Variants in MRTFB observed in about 807,000 individuals in gnomAD.
MRTFB encodes the protein myocardin-related transcription factor B.
MRTFB carries 29 observed loss-of-function variants against 104.2 expected under a neutral mutation model. The ratio of observed to expected loss-of-function variants is 0.28; its 90% confidence interval spans 0.21 to 0.38. The LOEUF (loss-of-function observed/expected upper bound fraction) is 0.38, where lower values mean the gene tolerates loss of function less well. MRTFB is among the 10% of genes least tolerant of loss of function. The probability of loss-of-function intolerance (pLI) is 1.00; values close to 1 mark genes in which losing one functional copy is unlikely to be tolerated. For synonymous variants in MRTFB, 535 were observed against 519.5 expected (o/e 1.03, Z -0.41); for missense variants, 1,270 against 1,341.6 (o/e 0.95, Z 0.83).
At chr16:14,227,420 C>T (rs2151278521) in intron 8 of MRTFB, among the ~76,000 whole-genome samples, 1 of 152,334 alleles carries the variant, frequency 6.6e-6, no homozygotes, top group East Asian at 1.9e-4. Context: ...TGAGGCCTTG[C>T]CAGATGCACA....
chr16:14,075,268 C>T (rs934500899), intron 1 of MRTFB, among the ~76,000 whole-genome samples: 8 of 152,212 alleles, frequency 5.3e-5, no homozygotes, highest in African/African-American at 1.2e-4. Context: ...AACTCAATCA[C>T]GTGAAGACCC....
the MRTFB span, among the ~76,000 whole-genome samples, chr16:14,061,109 G>A: frequency 6.6e-6 from 1 of 151,908 alleles, no homozygotes; most frequent in Non-Finnish European, 1.5e-5. Flanking sequence ...TGGCGCCACT[G>A]CACTCCAGCC....
intron 3 of MRTFB, among the ~76,000 whole-genome samples, chr16:14,186,513 G>C (rs1203565021): frequency 6.6e-6 from 1 of 152,186 alleles, no homozygotes; most frequent in African/African-American, 2.4e-5. Context: ...TTAACAACTA[G>C]AAGATTTATT....
the MRTFB span, among the ~76,000 whole-genome samples, chr16:14,031,105 C>T: frequency 2.6e-5 from 4 of 152,166 alleles, no homozygotes; most frequent in Non-Finnish European, 5.9e-5. Flanking sequence ...TAACAAACAT[C>T]CAGGGACCAG....
rs1004591423 is a variant in MRTFB, at chr16:14,114,325, T to A, written c.-63-26219T>A. Among the ~76,000 whole-genome samples, 3 of 152,266 alleles carry A rather than the reference T, an allele frequency of 2.0e-5. No individual in the cohort carries two copies. In the East Asian group the frequency reaches 5.8e-4, roughly 29 times the overall value. ...TCTAAATGTTTCAGTATAGAACTAT[T>A]CATTTTACCCATTTGAAGAGCATTT... On this transcript the variant is annotated intron_variant, in intron 2 of 16. Transcript: ENST00000571589.
chr16:14,143,320 A>G (rs2038113042), intron 3 of MRTFB: 1 of 152,080 alleles, frequency 6.6e-6, no homozygotes, highest in East Asian at 1.9e-4. Context: ...ATTATTGACC[A>G]ATTGGGTTTA....
At chr16:14,096,303 C>T (rs974604117) in intron 2 of MRTFB, among the ~76,000 whole-genome samples, 1 of 152,056 alleles carries the variant, frequency 6.6e-6, no homozygotes, top group Non-Finnish European at 1.5e-5. Flanking sequence ...AAACTCCTGA[C>T]CTCAAGTGAT....
chr16:14,134,625 C>T (rs931945365), intron 2 of MRTFB, among the ~76,000 whole-genome samples: 1 of 152,218 alleles, frequency 6.6e-6, no homozygotes, highest in South Asian at 2.1e-4. Flanking sequence ...AGCACAATGC[C>T]TAATAATGTA....
At chr16:14,019,676 G>A in the MRTFB span, among the ~76,000 whole-genome samples, 3 of 152,194 alleles carry the variant, frequency 2.0e-5, no homozygotes, top group African/African-American at 7.2e-5. Flanking sequence ...AGTTGGCCCA[G>A]TGAGTAGTAA....
intron 3 of MRTFB, among the ~76,000 whole-genome samples, chr16:14,167,596 G>C (rs1415627515): frequency 6.6e-6 from 1 of 152,066 alleles, no homozygotes; most frequent in Non-Finnish European, 1.5e-5. Context: ...TGTCCTGAAT[G>C]GTATTGCCGA....
Position 14,113,581 on chromosome 16 carries a change from G to A in MRTFB, c.-63-26963G>A, listed in dbSNP as rs1046710125. 1.5e-4 allele frequency among the ~76,000 whole-genome samples: 23 copies of A among 152,146 alleles called. 2 individuals carry two copies. On this transcript the variant is annotated intron_variant, in intron 2 of 16. Coordinates refer to ENST00000571589, the MANE Select transcript of MRTFB (RefSeq NM_001308142.2). ...TGGGAGGTTGAAGTGGAGAGAATGG[G>A]ATGATTCCTGTTGTTGAGGAAGCTG... is the stretch of plus-strand genomic sequence containing the variant.
chr16:14,061,923 C>G, the MRTFB span, among the ~76,000 whole-genome samples: 265 of 152,232 alleles, frequency 1.7e-3, 1 homozygote, highest in African/African-American at 5.9e-3. Context: ...CTCCCTTCCT[C>G]CCTGTACCAG....
intron 15 of MRTFB, among the ~76,000 whole-genome samples, chr16:14,254,649 A>T (rs147848339): frequency 0.02 from 2,973 of 152,340 alleles, 112 homozygotes; most frequent in African/African-American, 0.068. Flanking sequence ...TGGAACATCT[A>T]CCCAAGAAAC....
intron 2 of MRTFB, among the ~76,000 whole-genome samples, chr16:14,081,746 A>C (rs1189038152): frequency 6.6e-6 from 1 of 151,246 alleles, no homozygotes; most frequent in African/African-American, 2.4e-5. Context: ...CACTCTGCCA[A>C]ATTTTTTGTA....
chr16:14,206,973 C>G lies in MRTFB; in HGVS notation c.155-3270C>G, dbSNP rs554453168. On this transcript the variant is annotated intron_variant, in intron 3 of 16. Transcript: ENST00000571589. ...GTAATCAACATACTTAACAAAATGG[C>G]TAGTTACTTGCAATTCTGCCTCCCC... Among the ~76,000 whole-genome samples, 14 of 151,892 alleles carry G rather than the reference C, an allele frequency of 9.2e-5. No individual in the cohort carries two copies. In the South Asian group the frequency reaches 2.3e-3, roughly 25 times the overall value.
At chr16:14,100,718 GAGA>G (rs1429434258) in intron 2 of MRTFB, among the ~76,000 whole-genome samples, 5 of 152,286 alleles carry the variant, frequency 3.3e-5, no homozygotes, top group African/African-American at 1.2e-4. Flanking sequence ...TGTTTTCTTT[GAGA>G]GATTTTAAAC....
rs30129 is a variant in MRTFB at position 14,263,063 on chromosome 16, A to C, written c.*1619A>C. The C allele has an allele frequency of 0.078, 11,920 of 152,420 alleles. 807 individuals carry two copies. Among genetic ancestry groups the C allele is most frequent in the East Asian group, 0.3 (1,560 of 5,172 alleles). The allele number at this position is 152,420 out of a possible 1,614,324, so 9.4% of individuals were successfully genotyped here. A position where few individuals can be genotyped will look rare whatever the true frequency, so the allele number is the denominator to read the frequency against. ...TTATAAATTTTACTACGTGTAACAA[A>C]AGTCTGCTTTTCCAGCATGAGCACA... On this transcript the variant is annotated 3_prime_UTR_variant, in exon 17 of 17. Transcript: ENST00000571589.
the MRTFB span, among the ~76,000 whole-genome samples, chr16:14,013,988 A>G: frequency 6.6e-6 from 1 of 152,094 alleles, no homozygotes; most frequent in African/African-American, 2.4e-5. Context: ...AACGGTACTC[A>G]ACCCCATTTC....
At chr16:14,006,240 G>A in the MRTFB span, among the ~76,000 whole-genome samples, 2 of 152,168 alleles carry the variant, frequency 1.3e-5, no homozygotes, top group African/African-American at 4.8e-5. Flanking sequence ...CTACTTGGGA[G>A]GCTGAGGCAG....
Sources: gnomAD v4.1 joint callset for allele counts (sites outside exome capture counted in the v4.1 genomes callset) on GRCh38, gnomAD v4.1.1 for gene constraint, MANE v1.5 for transcripts, NCBI Gene and HGNC (gene_info 2026-07-23, HGNC 2026-07-21) for gene names.